The following CSMD3 variants were observed in gnomAD, a reference collection of about 807,000 sequenced individuals.
CSMD3 encodes the protein CUB and Sushi multiple domains 3, also known as CUB and sushi domain-containing protein 3.
In CSMD3, 177 loss-of-function variants were observed where a neutral mutation model predicts 435.2. The ratio of observed to expected loss-of-function variants is 0.41; its 90% CI spans 0.36 to 0.46. The LOEUF (loss-of-function observed/expected upper bound fraction) is 0.46, where lower values mean the gene tolerates loss of function less well. Ranked by LOEUF, CSMD3 falls within the 20% of genes least tolerant of loss-of-function variation. The probability of loss-of-function intolerance (pLI) is 0.34; values close to 1 mark genes in which losing one functional copy is unlikely to be tolerated. For missense variants in CSMD3, 4,265 were observed against 4,504.6 expected (o/e 0.95, Z 1.52); for synonymous variants, 1,656 against 1,520.5 (o/e 1.09, Z -2.07).
At chr8:112,244,976 A>G (rs1159270744) in intron 64 of CSMD3, among the ~76,000 whole-genome samples, 1 of 151,922 alleles carries the variant, frequency 6.6e-6, no homozygotes, top group African/African-American at 2.4e-5. Flanking sequence ...CAGGTTTTCT[A>G]TATGAGTTTA....
chr8:113,232,781 C>G lies in CSMD3; in HGVS notation c.514+45811G>C, dbSNP rs200010344. On this transcript the variant is annotated intron_variant, in intron 3 of 70. Transcript: ENST00000297405. ...ATTGGTCCATTGGCTCTTTTATGAA[C>G]TTTACTCTCATAAAAACTCAACCTA... 1.5e-4 allele frequency among the ~76,000 whole-genome samples: 23 copies of G among 151,730 alleles called. No individual in the cohort carries two copies. In the East Asian group the frequency reaches 3.7e-3, roughly 24 times the overall value.
chr8:112,605,350 A>G (rs1163528229), intron 22 of CSMD3, among the ~76,000 whole-genome samples: 1 of 152,194 alleles, frequency 6.6e-6, no homozygotes, highest in Admixed American at 6.6e-5. Flanking sequence ...TGCACTATTC[A>G]AAATAGTAAA....
chr8:112,430,060 A>C (rs1813493817), intron 32 of CSMD3, among the ~76,000 whole-genome samples: 1 of 152,030 alleles, frequency 6.6e-6, no homozygotes, highest in Non-Finnish European at 1.5e-5. Context: ...GACCTCTTAG[A>C]ATGTATTTAA....
At chr8:112,769,254 C>T (rs1274734319) in intron 13 of CSMD3, among the ~76,000 whole-genome samples, 8 of 151,886 alleles carry the variant, frequency 5.3e-5, no homozygotes, top group Non-Finnish European at 2.9e-5. Flanking sequence ...CACATAATCA[C>T]TTTTCTGCTC....
chr8:113,312,408 C>T (rs1468017097), intron 2 of CSMD3: 2 of 152,034 alleles, frequency 1.3e-5, no homozygotes, highest in Non-Finnish European at 2.9e-5. Flanking sequence ...ATATTGTATT[C>T]CCCATAAAAT....
chr8:112,499,551 A>T (rs1821724829), intron 30 of CSMD3, among the ~76,000 whole-genome samples: 1 of 152,122 alleles, frequency 6.6e-6, no homozygotes. Flanking sequence ...ACCACAAAAC[A>T]AATCCTATGA....
intron 37 of CSMD3, among the ~76,000 whole-genome samples, chr8:112,381,962 T>C (rs1829498606): frequency 6.6e-6 from 1 of 152,140 alleles, no homozygotes; most frequent in African/African-American, 2.4e-5. Flanking sequence ...ATCATTACAT[T>C]ATTATTTTAA....
chr8:112,776,675 C>A (rs1436655914), intron 13 of CSMD3, among the ~76,000 whole-genome samples: 2 of 151,672 alleles, frequency 1.3e-5, no homozygotes, highest in East Asian at 1.9e-4. Context: ...GACCAAAAAT[C>A]CTATTACATA....
intron 9 of CSMD3, among the ~76,000 whole-genome samples, chr8:112,927,656 A>G (rs1356202982): frequency 6.6e-6 from 1 of 152,090 alleles, no homozygotes; most frequent in Non-Finnish European, 1.5e-5. Context: ...GCTTTGTTAG[A>G]TATTACAAAG....
chr8:112,690,770 C>T (rs1300321064), intron 13 of CSMD3, among the ~76,000 whole-genome samples: 1 of 152,032 alleles, frequency 6.6e-6, no homozygotes, highest in Non-Finnish European at 1.5e-5. Context: ...TATCTGGGAT[C>T]ATCACTGTTT....
intron 10 of CSMD3, among the ~76,000 whole-genome samples, chr8:112,920,997 GCACACACACACACA>G (rs747366512): frequency 0.013 from 1,466 of 114,964 alleles, 15 homozygotes; most frequent in Non-Finnish European, 0.017. Flanking sequence ...ACGCGCGCGC[GCACACACACACACA>G]CACACACACA....
At chr8:113,414,352 T>C (rs992427942) in intron 1 of CSMD3, among the ~76,000 whole-genome samples, 6 of 152,214 alleles carry the variant, frequency 3.9e-5, no homozygotes, top group Non-Finnish European at 7.3e-5. Flanking sequence ...TAAGATACTA[T>C]TGTTATATCA....
chr8:113,321,978 G>A (rs1240879043), intron 1 of CSMD3, among the ~76,000 whole-genome samples: 1 of 152,120 alleles, frequency 6.6e-6, no homozygotes, highest in Non-Finnish European at 1.5e-5. Context: ...TCTCCTCAGA[G>A]AGGCCTTTGT....
intron 1 of CSMD3, among the ~76,000 whole-genome samples, chr8:113,330,930 C>G (rs2094022978): frequency 6.6e-6 from 1 of 151,654 alleles, no homozygotes; most frequent in Non-Finnish European, 1.5e-5. Flanking sequence ...GCCAACTAAG[C>G]CTCACTAACA....
At chr8:112,348,884 T>C (rs75954230) in intron 40 of CSMD3, among the ~76,000 whole-genome samples, 5,735 of 152,260 alleles carry the variant, frequency 0.038, 355 homozygotes, top group African/African-American at 0.13. Flanking sequence ...CCCTGTCTTA[T>C]GGTGCTGAGA....
chr8:112,835,053 T>C (rs1032758419), intron 11 of CSMD3, among the ~76,000 whole-genome samples: 4 of 151,860 alleles, frequency 2.6e-5, no homozygotes, highest in Non-Finnish European at 5.9e-5. Flanking sequence ...TGCTTAGTGT[T>C]GCTTATTGAG....
intron 9 of CSMD3, among the ~76,000 whole-genome samples, chr8:112,926,457 AC>A (rs906084924): frequency 1.3e-5 from 2 of 152,176 alleles, no homozygotes; most frequent in Non-Finnish European, 2.9e-5. Context: ...ATGGCTGAGC[AC>A]ATTTTTAATT....
chr8:112,326,213 T>C (rs1021906400), intron 45 of CSMD3, among the ~76,000 whole-genome samples: 5 of 152,154 alleles, frequency 3.3e-5, no homozygotes, highest in Non-Finnish European at 7.4e-5. Context: ...TGTTTTGTAA[T>C]TGAAGGCAAC....
intron 35 of CSMD3, among the ~76,000 whole-genome samples, chr8:112,394,828 A>G (rs930333647): frequency 2.6e-5 from 4 of 152,232 alleles, no homozygotes; most frequent in Non-Finnish European, 4.4e-5. Context: ...AAATGTAAGG[A>G]CAAAGATCTT....
Sources: allele counts gnomAD v4.1 joint callset (sites outside exome capture counted in the v4.1 genomes callset), GRCh38; gene constraint gnomAD v4.1.1; transcripts MANE v1.5; gene names NCBI Gene and HGNC (gene_info 2026-07-23, HGNC 2026-07-21).